The following BORCS5 variants were observed in gnomAD, a reference collection of about 807,000 sequenced individuals.
BORCS5 encodes the protein BLOC-1-related complex subunit 5.
Under a neutral mutation model 22.1 loss-of-function variants are expected in BORCS5, and 17 were observed. The observed-to-expected ratio is 0.77, with a 90% CI of 0.53 to 1.15. The LOEUF (loss-of-function observed/expected upper bound fraction) is 1.15. BORCS5 is among the 50% of genes most tolerant of loss of function. The pLI is 0.00. For missense variants in BORCS5, 247 were observed against 253.2 expected (o/e 0.98, Z 0.17); for synonymous variants, 117 against 99.8 (o/e 1.17, Z -1.03).
intron 2 of BORCS5, among the ~76,000 whole-genome samples, chr12:12,384,494 C>T (rs1863839368): frequency 6.7e-6 from 1 of 149,468 alleles, no homozygotes; most frequent in South Asian, 2.1e-4. Flanking sequence ...AGTCACACTC[C>T]TGTTTCTTTG....
intron 2 of BORCS5, among the ~76,000 whole-genome samples, chr12:12,421,436 C>G (rs982222609): frequency 2.6e-5 from 4 of 152,032 alleles, no homozygotes; most frequent in Admixed American, 2.0e-4. Context: ...TTGATGTGCT[C>G]CTGGATTCGG....
At chr12:12,414,915 G>A (rs1243127183) in intron 2 of BORCS5, among the ~76,000 whole-genome samples, 2 of 146,624 alleles carry the variant, frequency 1.4e-5, no homozygotes, top group Admixed American at 6.8e-5. Context: ...CAGACAGGGC[G>A]GCGGGGCAGA....
At chr12:12,462,835 T>C (rs895835781) in intron 3 of BORCS5, among the ~76,000 whole-genome samples, 2 of 152,024 alleles carry the variant, frequency 1.3e-5, no homozygotes, top group Admixed American at 1.3e-4. Context: ...TTTTTGTATT[T>C]TAATAGAGAC....
intron 2 of BORCS5, among the ~76,000 whole-genome samples, chr12:12,391,623 AAT>A (rs1941187504): frequency 6.6e-6 from 1 of 150,866 alleles, no homozygotes; most frequent in Non-Finnish European, 1.5e-5. Context: ...CCTGACCTCA[AAT>A]GATGCGCCCG....
chr12:12,422,832 ATAAAC>A (rs1011806983), intron 2 of BORCS5, among the ~76,000 whole-genome samples: 7 of 152,174 alleles, frequency 4.6e-5, no homozygotes, highest in African/African-American at 1.4e-4. Flanking sequence ...ATATGGAGTT[ATAAAC>A]TAAAGTTACA....
At chr12:12,414,181 G>A (rs1486969467) in intron 2 of BORCS5, among the ~76,000 whole-genome samples, 8 of 96,712 alleles carry the variant, frequency 8.3e-5, no homozygotes, top group African/African-American at 2.1e-4. Flanking sequence ...CCTCCCTCCC[G>A]GATGGGGCGG....
intron 2 of BORCS5, among the ~76,000 whole-genome samples, chr12:12,366,992 T>G (rs1863420203): frequency 6.6e-6 from 1 of 152,190 alleles, no homozygotes. Flanking sequence ...ACTGAAGTGA[T>G]ACTAAGCAGC....
At chr12:12,417,422 G>A (rs900859320) in intron 2 of BORCS5, among the ~76,000 whole-genome samples, 1 of 152,146 alleles carries the variant, frequency 6.6e-6, no homozygotes, top group Non-Finnish European at 1.5e-5. Flanking sequence ...CACTTGAGAA[G>A]AATGTGTATT....
intron 2 of BORCS5, 115 bp from the exon 3 acceptor site, chr12:12,435,513 A>C: frequency 1.2e-6 from 1 of 829,682 alleles, no homozygotes; most frequent in Non-Finnish European, 1.9e-6. Flanking sequence ...ATATAACAAA[A>C]GATGCAAGAT....
In BORCS5 at chr12:12,414,635, C is replaced by T. The variant is rs537653539; in HGVS notation, c.203-20993C>T. 3.8e-4 allele frequency among the ~76,000 whole-genome samples: 36 copies of T among 95,178 alleles called. 1 individual carries two copies. Among genetic ancestry groups the T allele is most frequent in the East Asian group, 2.3e-3 (9 of 3,960 alleles). 62.4% of individuals were successfully genotyped at this position (95,178 alleles called of 152,430 possible). Reference sequence around the variant, plus strand: ...CTCCTCACTTCCCAGTAGGGGCGGCCGGGCAGAGGAGCCCCTCACCTCCCG... The same window carrying T: ...CTCCTCACTTCCCAGTAGGGGCGGCTGGGCAGAGGAGCCCCTCACCTCCCG... On this transcript the variant is annotated intron_variant, in intron 2 of 3. Coordinates refer to ENST00000314565, the MANE Select transcript of BORCS5 (RefSeq NM_058169.6).
rs71061052 is a variant in BORCS5 at position 12,369,712 on chromosome 12, CTTTTTTTTTTTTT to C, written c.202+8381_202+8393del. Among the ~76,000 whole-genome samples, 22 of 42,948 alleles carry C rather than the reference CTTTTTTTTTTTTT, an allele frequency of 5.1e-4. 1 individual carries two copies. The highest frequency in any genetic ancestry group is 6.6e-4 in the Non-Finnish European group (17 of 25,670). The allele number at this position is 42,948 out of a possible 152,430, so 28.2% of individuals were successfully genotyped here. ...GTGTGGTTTCATTCACCCCCCACTT[CTTTTTTTTTTTTT>C]TTTTTTTTTTTTTTTTTGAGAAAAA... On this transcript the variant is annotated intron_variant, in intron 2 of 3. Transcript: ENST00000314565.
At chr12:12,433,398 G>A (rs569241903) in intron 2 of BORCS5, among the ~76,000 whole-genome samples, 40 of 151,684 alleles carry the variant, frequency 2.6e-4, no homozygotes, top group African/African-American at 9.2e-4. Context: ...CAGCTACTTG[G>A]GAAGCCAAGG....
At chr12:12,431,712 T>A (rs962332688) in intron 2 of BORCS5, among the ~76,000 whole-genome samples, 2 of 139,474 alleles carry the variant, frequency 1.4e-5, no homozygotes, top group Non-Finnish European at 3.1e-5. Flanking sequence ...TTTGCTAGTT[T>A]TTAATTTGCC....
chr12:12,362,634 A>ATATTTTTTTTTTTTTT (rs1203934777), intron 2 of BORCS5, among the ~76,000 whole-genome samples: 1 of 54,180 alleles, frequency 1.8e-5, no homozygotes, highest in African/African-American at 4.2e-5. Context: ...CATGTTACTC[A>ATATTTTTTTTTTTTTT]TCTTTTTTTT....
At chr12:12,427,406 T>C (rs1471347164) in intron 2 of BORCS5, among the ~76,000 whole-genome samples, 3 of 152,092 alleles carry the variant, frequency 2.0e-5, no homozygotes, top group Admixed American at 2.0e-4. Context: ...GGTCTCGATA[T>C]CCTGACCTTG....
At chr12:12,392,961 G>C (rs1592081044) in intron 2 of BORCS5, among the ~76,000 whole-genome samples, 2 of 152,184 alleles carry the variant, frequency 1.3e-5, no homozygotes, top group African/African-American at 4.8e-5. Flanking sequence ...AGGTGTGGTG[G>C]CTCATGCCTA....
chr12:12,438,385 A>AAAAAAAAAAACACAC (rs1555156048), intron 3 of BORCS5, among the ~76,000 whole-genome samples: 1 of 126,112 alleles, frequency 7.9e-6, no homozygotes, highest in African/African-American at 3.3e-5. Flanking sequence ...AAAAAACGAA[A>AAAAAAAAAAACACAC]AACAACAACA....
chr12:12,389,680 G>T (rs569979839), intron 2 of BORCS5, among the ~76,000 whole-genome samples: 114 of 152,148 alleles, frequency 7.5e-4, no homozygotes, highest in Non-Finnish European at 1.2e-3. Context: ...GTCTCGCTCT[G>T]TCGCCCAGGC....
intron 2 of BORCS5, among the ~76,000 whole-genome samples, chr12:12,409,728 C>A (rs1941679832): frequency 6.6e-6 from 1 of 151,516 alleles, no homozygotes; most frequent in South Asian, 2.1e-4. Flanking sequence ...GATTTATAAT[C>A]CTTTGGGTAT....
Sources: gnomAD v4.1 joint callset for allele counts (sites outside exome capture counted in the v4.1 genomes callset) on GRCh38, gnomAD v4.1.1 for gene constraint, MANE v1.5 for transcripts, NCBI Gene and HGNC (gene_info 2026-07-23, HGNC 2026-07-21) for gene names.